STARD13: variants seen among roughly 807,000 people sequenced by gnomAD.
STARD13 encodes StAR related lipid transfer domain containing 13.
STARD13 carries 62 observed loss-of-function variants against 106.4 expected under a neutral mutation model. The ratio of observed to expected loss-of-function variants is 0.58; its 90% confidence interval spans 0.48 to 0.72. The LOEUF (loss-of-function observed/expected upper bound fraction) is 0.72, where lower values mean the gene tolerates loss of function less well. Ranked by LOEUF, STARD13 falls within the 30% of genes least tolerant of loss-of-function variation. The pLI is 0.00. For missense variants in STARD13, 1,387 were observed against 1,424.0 expected, an observed-to-expected ratio of 0.97 and a Z score of 0.42; for synonymous variants, 565 against 553.0, an observed-to-expected ratio of 1.02 and a Z score of -0.31.
At chr13:33,554,124 C>T in the STARD13 span, among the ~76,000 whole-genome samples, 35,316 of 151,964 alleles carry the variant, frequency 0.23, 4,651 homozygotes, top group East Asian at 0.43. Flanking sequence ...TATTTAACCA[C>T]ATTTTAAAGC....
At chr13:33,370,889 G>A in the STARD13 span, among the ~76,000 whole-genome samples, 1 of 151,974 alleles carries the variant, frequency 6.6e-6, no homozygotes. Context: ...CCAAAGTGCT[G>A]AGATTACAGG....
chr13:33,185,865 A>T (rs1885709793), intron 1 of STARD13: 1 of 1,613,550 alleles, frequency 6.2e-7, no homozygotes, highest in Non-Finnish European at 8.5e-7. Flanking sequence ...TGCCCTTCTG[A>T]TCCAGCACTT....
the STARD13 span, among the ~76,000 whole-genome samples, chr13:33,454,178 C>A: frequency 6.6e-6 from 1 of 152,182 alleles, no homozygotes; most frequent in African/African-American, 2.4e-5. Context: ...TGCTCCTGCC[C>A]AGTGAATGAA....
the STARD13 span, among the ~76,000 whole-genome samples, chr13:33,388,329 C>T: frequency 6.6e-6 from 1 of 152,196 alleles, no homozygotes; most frequent in Admixed American, 6.5e-5. Flanking sequence ...GAGTGACTGC[C>T]TAGAAGAGGC....
chr13:33,420,550 C>G, the STARD13 span, among the ~76,000 whole-genome samples: 1 of 152,178 alleles, frequency 6.6e-6, no homozygotes, highest in Non-Finnish European at 1.5e-5. Flanking sequence ...ATCAATGAGA[C>G]AGAAGGTTAA....
the STARD13 span, among the ~76,000 whole-genome samples, chr13:33,376,634 G>C: frequency 1.3e-5 from 2 of 151,914 alleles, no homozygotes; most frequent in East Asian, 3.9e-4. Context: ...AAAAAAAAAA[G>C]GATTAGAATT....
At chr13:33,188,291 T>C (rs1346161452) in intron 1 of STARD13, 2 of 152,344 alleles carry the variant, frequency 1.3e-5, no homozygotes, top group East Asian at 3.9e-4. Context: ...TTGGTTACCA[T>C]GATAAACACT....
chr13:33,230,070 C>T (rs994657436), intron 1 of STARD13, among the ~76,000 whole-genome samples: 3 of 152,134 alleles, frequency 2.0e-5, no homozygotes, highest in Admixed American at 2.0e-4. Flanking sequence ...CATTATGAGG[C>T]CTGGAAGCGA....
At chr13:33,194,889 G>A (rs1235646231) in intron 1 of STARD13, among the ~76,000 whole-genome samples, 1 of 152,210 alleles carries the variant, frequency 6.6e-6, no homozygotes, top group Non-Finnish European at 1.5e-5. Flanking sequence ...TGGGCCTGCA[G>A]CCCCCTCTTG....
At chr13:33,245,266 C>T (rs1889764827) in intron 1 of STARD13, among the ~76,000 whole-genome samples, 1 of 152,084 alleles carries the variant, frequency 6.6e-6, no homozygotes, top group African/African-American at 2.4e-5. Context: ...ATAATTTGTC[C>T]TAAGACATGA....
chr13:33,162,051 G>T (rs1034307693), intron 3 of STARD13, among the ~76,000 whole-genome samples: 7 of 152,186 alleles, frequency 4.6e-5, no homozygotes, highest in Admixed American at 1.3e-4. Flanking sequence ...TGAGATTTGG[G>T]TGGGGACACA....
the STARD13 span, among the ~76,000 whole-genome samples, chr13:33,649,642 C>T: frequency 6.6e-6 from 1 of 152,144 alleles, no homozygotes; most frequent in East Asian, 1.9e-4. Flanking sequence ...TGACTATCTC[C>T]ATCCATTACC....
Position 33,142,308 on chromosome 13 carries a change from AC to A in STARD13, c.387+1del, listed in dbSNP as rs753082099. On this transcript the variant is annotated splice_donor_variant, in intron 4 of 13. Coordinates refer to ENST00000336934, the MANE Select transcript of STARD13 (RefSeq NM_178006.4). LOFTEE classifies it high-confidence loss of function. Reference sequence around the variant, plus strand: ...CATTCTTATTAAGGTGTGGGCACCTACCTTTTTCCTTTGGAAGTTCACATCA... The same window carrying A: ...CATTCTTATTAAGGTGTGGGCACCTACTTTTTCCTTTGGAAGTTCACATCA... The A allele has an allele frequency of 6.2e-7, 1 of 1,613,376 alleles. No homozygotes were observed. The highest frequency in any genetic ancestry group is 8.5e-7 in the Non-Finnish European group (1 of 1,179,388).
chr13:33,121,724 G>A (rs1360220714), intron 7 of STARD13, among the ~76,000 whole-genome samples: 1 of 145,714 alleles, frequency 6.9e-6, no homozygotes, highest in African/African-American at 2.6e-5. Flanking sequence ...GGGCTGGAGT[G>A]CTGGAGTGCA....
intron 12 of STARD13, among the ~76,000 whole-genome samples, chr13:33,108,405 A>G (rs557438964): frequency 6.8e-4 from 104 of 152,228 alleles, no homozygotes; most frequent in Middle Eastern, 6.8e-3. Context: ...GGTCCACTCC[A>G]CTTCTTCAAG....
At chr13:33,519,817 C>T in the STARD13 span, 3 of 152,022 alleles carry the variant, frequency 2.0e-5, no homozygotes, top group Non-Finnish European at 4.4e-5. Flanking sequence ...ATGAGGTATT[C>T]GTAATATTTC....
chr13:33,309,468 C>G (rs1893050063), intron 1 of STARD13, among the ~76,000 whole-genome samples: 1 of 152,108 alleles, frequency 6.6e-6, no homozygotes, highest in Admixed American at 6.6e-5. Flanking sequence ...GGATGAAGGT[C>G]AAGATCAAGA....
At chr13:33,267,876 G>A (rs1379873327) in intron 1 of STARD13, among the ~76,000 whole-genome samples, 2 of 152,176 alleles carry the variant, frequency 1.3e-5, no homozygotes, top group Admixed American at 1.3e-4. Context: ...AAACTAGAGG[G>A]TGGGATGAAG....
intron 1 of STARD13, among the ~76,000 whole-genome samples, chr13:33,253,256 A>T (rs1267183917): frequency 6.6e-6 from 1 of 152,214 alleles, no homozygotes; most frequent in East Asian, 1.9e-4. Context: ...CAGGTGCTGT[A>T]TTCCTCCTTT....
Sources: allele counts gnomAD v4.1 joint callset (sites outside exome capture counted in the v4.1 genomes callset), GRCh38; gene constraint gnomAD v4.1.1; transcripts MANE v1.5; gene names NCBI Gene and HGNC (gene_info 2026-07-23, HGNC 2026-07-21).